The following RBFOX1 variants were observed in gnomAD, a reference collection of about 807,000 sequenced individuals.
RBFOX1 encodes RNA binding fox-1 homolog 1.
RBFOX1 carries 8 observed loss-of-function variants against 57.7 expected under a neutral mutation model. That is an observed-to-expected ratio of 0.14 (90% CI 0.08 to 0.25). The LOEUF is 0.25. Ranked by LOEUF, RBFOX1 falls within the 10% of genes least tolerant of loss-of-function variation. The pLI, the probability that RBFOX1 is intolerant of heterozygous loss-of-function variation, is 1.00. For missense variants in RBFOX1, 611 were observed against 548.5 expected, an observed-to-expected ratio of 1.11 and a Z score of -1.14; for synonymous variants, 326 against 222.4, an observed-to-expected ratio of 1.47 and a Z score of -4.15.
chr16:7,092,986 G>A (rs944650594), intron 4 of RBFOX1, among the ~76,000 whole-genome samples: 1 of 152,196 alleles, frequency 6.6e-6, no homozygotes, highest in East Asian at 1.9e-4. Context: ...GCTGGAAATT[G>A]CCTCTGGCAG....
chr16:6,453,019 C>A (rs1294887866), intron 2 of RBFOX1, among the ~76,000 whole-genome samples: 5 of 152,142 alleles, frequency 3.3e-5, no homozygotes, highest in African/African-American at 1.2e-4. Flanking sequence ...AATTGTCTTT[C>A]TTTAATTGTC....
intron 3 of RBFOX1, among the ~76,000 whole-genome samples, chr16:6,680,054 T>G (rs2058392378): frequency 6.6e-6 from 1 of 152,014 alleles, no homozygotes; most frequent in African/African-American, 2.4e-5. Flanking sequence ...TTCATAACAG[T>G]GTGGTCTTGA....
chr16:6,517,926 T>G (rs1207976304), intron 2 of RBFOX1, among the ~76,000 whole-genome samples: 1 of 152,166 alleles, frequency 6.6e-6, no homozygotes, highest in East Asian at 1.9e-4. Context: ...ATGTCGATAG[T>G]AGTGATGATG....
At chr16:6,031,621 C>T in intron 1 of RBFOX1, among the ~76,000 whole-genome samples, 1 of 152,176 alleles carries the variant, frequency 6.6e-6, no homozygotes, top group East Asian at 1.9e-4. Flanking sequence ...GTGTACATTT[C>T]TGCACGTGTG....
In RBFOX1 at chr16:6,227,111, G is replaced by A. The variant is rs111946112; in HGVS notation, c.-126-89884G>A. On this transcript the variant is annotated intron_variant, in intron 1 of 15. Transcript: ENST00000550418. ...TGAACTCCAGCGTAGGTGACAGGGC[G>A]AGACTCTGTCTCAAGAAAAAAAAAA... Among the ~76,000 whole-genome samples, 426 of 151,832 alleles carry A rather than the reference G, an allele frequency of 2.8e-3. 5 individuals carry two copies. The highest frequency in any genetic ancestry group is 0.025 in the South Asian group (118 of 4,808).
chr16:6,074,816 A>G (rs2095876439), intron 1 of RBFOX1, among the ~76,000 whole-genome samples: 1 of 152,198 alleles, frequency 6.6e-6, no homozygotes, highest in African/African-American at 2.4e-5. Context: ...TGAGTCTGAA[A>G]TATGCTGAGT....
chr16:5,266,565 T>TTTTTTTG (rs56335991), intron 1 of RBFOX1, among the ~76,000 whole-genome samples: 1 of 150,432 alleles, frequency 6.6e-6, no homozygotes. Flanking sequence ...TTTTTTTTTT[T>TTTTTTTG]GAGGCAGGAT....
chr16:6,813,139 C>T (rs878977812), intron 3 of RBFOX1, among the ~76,000 whole-genome samples: 2 of 151,816 alleles, frequency 1.3e-5, no homozygotes, highest in East Asian at 1.9e-4. Flanking sequence ...TTTCAGGCCT[C>T]ACCTTTGTAT....
intron 2 of RBFOX1, among the ~76,000 whole-genome samples, chr16:6,567,780 A>T (rs375878231): frequency 1.3e-5 from 2 of 152,168 alleles, no homozygotes; most frequent in Non-Finnish European, 2.9e-5. Context: ...CAAATTAAGC[A>T]TTTAGGGCTT....
chr16:7,518,350 G>A lies in RBFOX1; in HGVS notation c.231G>A (p.Pro77=), dbSNP rs775977215. Residue 77 remains proline, a synonymous_variant, in exon 5 of 16, where the codon CCG becomes CCA. Coordinates refer to ENST00000550418, the MANE Select transcript of RBFOX1 (RefSeq NM_018723.4). ...PPAQTHSEQS[P]ADTSAQTVSG... ...CCCAGACGCACTCCGAGCAGAGCCC[G>A]GCGGACACGAGCGCTCAGACCGTCT... The A allele has an allele frequency of 5.6e-6, 9 of 1,613,406 alleles. No individual in the cohort carries two copies. The East Asian group carries it at 8.9e-5, about 16-fold the overall frequency.
intron 1 of RBFOX1, among the ~76,000 whole-genome samples, chr16:5,466,538 G>C (rs139838652): frequency 1.5e-3 from 228 of 152,332 alleles, no homozygotes; most frequent in Middle Eastern, 3.4e-3. Context: ...GTTTCTGTGT[G>C]TGCCCTCTGG....
At chr16:6,552,255 A>G (rs2097005022) in intron 2 of RBFOX1, among the ~76,000 whole-genome samples, 1 of 152,182 alleles carries the variant, frequency 6.6e-6, no homozygotes, top group Non-Finnish European at 1.5e-5. Flanking sequence ...AAGTATTTGA[A>G]GGAGGGCAAC....
At chr16:6,894,946 C>T (rs1042594457) in intron 3 of RBFOX1, among the ~76,000 whole-genome samples, 7 of 152,120 alleles carry the variant, frequency 4.6e-5, no homozygotes, top group African/African-American at 1.4e-4. Flanking sequence ...TGTTTTCTAT[C>T]TAGAATTTGC....
intron 2 of RBFOX1, among the ~76,000 whole-genome samples, chr16:5,486,264 C>G (rs776370688): frequency 1.3e-5 from 2 of 152,126 alleles, no homozygotes; most frequent in Non-Finnish European, 2.9e-5. Flanking sequence ...CATCTCATGT[C>G]CTGAAACTAC....
intron 3 of RBFOX1, among the ~76,000 whole-genome samples, chr16:6,944,982 C>G (rs1453499298): frequency 6.6e-6 from 1 of 152,086 alleles, no homozygotes; most frequent in Non-Finnish European, 1.5e-5. Flanking sequence ...TTTGCTCCTC[C>G]TGGGTGAAAA....
At chr16:7,279,424 T>A (rs944469707) in intron 4 of RBFOX1, among the ~76,000 whole-genome samples, 2 of 152,182 alleles carry the variant, frequency 1.3e-5, no homozygotes, top group Non-Finnish European at 2.9e-5. Flanking sequence ...AGGCTTTCTG[T>A]TACTCGTTTA....
chr16:7,025,878 G>A (rs764037109), intron 3 of RBFOX1, among the ~76,000 whole-genome samples: 1 of 152,124 alleles, frequency 6.6e-6, no homozygotes, highest in African/African-American at 2.4e-5. Flanking sequence ...AGGATGAGCT[G>A]CTTAATAGTA....
At chr16:7,434,989 C>T (rs2098710932) in intron 4 of RBFOX1, among the ~76,000 whole-genome samples, 1 of 152,166 alleles carries the variant, frequency 6.6e-6, no homozygotes, top group Non-Finnish European at 1.5e-5. Context: ...ATCCGCCTGC[C>T]TTGGCCTCCC....
chr16:7,692,802 T>G lies in RBFOX1; in HGVS notation c.995+15964T>G, dbSNP rs149901804. Among the ~76,000 whole-genome samples, 32 of 152,262 alleles carry G rather than the reference T, an allele frequency of 2.1e-4. No individual in the cohort carries two copies. The East Asian group carries it at 5.8e-3, about 28-fold the overall frequency. On this transcript the variant is annotated intron_variant, in intron 14 of 15. Coordinates refer to ENST00000550418, the MANE Select transcript of RBFOX1 (RefSeq NM_018723.4). ...CAATTGACAAGTTCTCTTAGCTCTA[T>G]GTAGCAAGCTGGGTTTGATGAGGAA...
Sources: allele counts gnomAD v4.1 joint callset (sites outside exome capture counted in the v4.1 genomes callset), GRCh38; gene constraint gnomAD v4.1.1; transcripts MANE v1.5; gene names NCBI Gene and HGNC (gene_info 2026-07-23, HGNC 2026-07-21).